The following IQCB1 variants were observed in gnomAD, a reference collection of about 807,000 sequenced individuals.
The protein encoded by IQCB1 is IQ motif containing B1, also known as IQ calmodulin-binding motif-containing protein 1.
IQCB1 carries 56 observed loss-of-function variants against 84.4 expected under a neutral mutation model. The observed-to-expected ratio is 0.66, with a 90% CI of 0.54 to 0.83. The LOEUF is 0.83. Ranked by LOEUF, IQCB1 falls within the 40% of genes least tolerant of loss-of-function variation. The pLI is 0.00. For missense variants in IQCB1, 629 were observed against 682.1 expected (o/e 0.92, Z 0.87); for synonymous variants, 210 against 234.8 (o/e 0.89, Z 0.96).
At chr3:121,817,330 A>G (rs1047892633) in intron 5 of IQCB1, among the ~76,000 whole-genome samples, 5 of 152,092 alleles carry the variant, frequency 3.3e-5, no homozygotes, top group Admixed American at 1.3e-4. Context: ...AACCTACATG[A>G]CGAGTTGATG....
At position 121,828,594 on chromosome 3, in the gene IQCB1, T is replaced by C. The variant is rs1341474530; in HGVS notation, c.139A>G (p.Lys47Glu). The C allele has an allele frequency of 6.2e-7, 1 of 1,604,224 alleles. No individual in the cohort carries two copies. Among genetic ancestry groups the C allele is most frequent in the Admixed American group, 1.7e-5 (1 of 59,958 alleles). Residue 47 changes from lysine to glutamate, a missense_variant, in exon 4 of 15, where the codon AAG becomes GAG. Coordinates refer to ENST00000310864, the MANE Select transcript of IQCB1 (RefSeq NM_001023570.4). ...NITPLGSSEL[K>E]KIKQDIYCYD... Reference sequence around the variant, plus strand: ...CAATATATATCTTGTTTGATTTTCTTCAACTCTGAGCTTCCTAAAGGTGTG... The same window carrying C: ...CAATATATATCTTGTTTGATTTTCTCCAACTCTGAGCTTCCTAAAGGTGTG...
chr3:121,825,955 T>C, intron 5 of IQCB1, 96 bp downstream of exon 5: 1 of 1,166,620 alleles, frequency 8.6e-7, no homozygotes, highest in Non-Finnish European at 1.3e-6. Context: ...CTACTTTAAT[T>C]GTACTTTCAG....
chr3:121,784,502 A>T (rs1948631535), intron 12 of IQCB1, among the ~76,000 whole-genome samples: 1 of 152,168 alleles, frequency 6.6e-6, no homozygotes. Context: ...CTCTGAGGAT[A>T]TTAATAACAG....
chr3:121,788,246 C>T, intron 12 of IQCB1, 38 bp downstream of exon 12: 1 of 1,605,144 alleles, frequency 6.2e-7, no homozygotes, highest in Non-Finnish European at 8.5e-7. Context: ...ATGTTTTTGC[C>T]TCTTGATTCA....
At chr3:121,808,708 C>G (rs1949703542) in intron 6 of IQCB1, among the ~76,000 whole-genome samples, 1 of 151,930 alleles carries the variant, frequency 6.6e-6, no homozygotes, top group Non-Finnish European at 1.5e-5. Flanking sequence ...CAACAGTATT[C>G]TCCTTAATTT....
At chr3:121,798,956 AG>A (rs1343297757) in intron 8 of IQCB1, among the ~76,000 whole-genome samples, 1 of 151,806 alleles carries the variant, frequency 6.6e-6, no homozygotes, top group African/African-American at 2.4e-5. Flanking sequence ...TTTGTCAGAG[AG>A]GGAGTAAATA....
At chr3:121,827,210 A>C (rs1022290015) in intron 4 of IQCB1, among the ~76,000 whole-genome samples, 5 of 152,048 alleles carry the variant, frequency 3.3e-5, no homozygotes, top group Admixed American at 2.0e-4. Flanking sequence ...ACAAACATTG[A>C]GTATGCAATT....
chr3:121,798,981 G>T (rs773118724), intron 8 of IQCB1, among the ~76,000 whole-genome samples: 1 of 151,592 alleles, frequency 6.6e-6, no homozygotes, highest in Admixed American at 6.6e-5. Context: ...ATGGCAACCT[G>T]ATCAGAAAAG....
Position 121,799,343 on chromosome 3 carries a change from G to A in IQCB1, c.619C>T (p.Leu207=). ...ATAACTTCATCTAAAATTGAATACA[G>A]GGCTTTTCTTCCTATTCTGAGTAAA... ...GDLLRIGRKA[L]YSILDEVIFK... Residue 207 remains leucine, a synonymous_variant, in exon 8 of 15, where the codon CTG becomes TTG. Coordinates refer to ENST00000310864, the MANE Select transcript of IQCB1 (RefSeq NM_001023570.4). 1 of 1,598,474 alleles carries A rather than the reference G, an allele frequency of 6.3e-7. No homozygotes were observed. The highest frequency in any genetic ancestry group is 1.1e-5 in the South Asian group (1 of 90,336).
chr3:121,807,837 A>G (rs1416035636), intron 6 of IQCB1, among the ~76,000 whole-genome samples: 1 of 151,996 alleles, frequency 6.6e-6, no homozygotes, highest in Admixed American at 6.6e-5. Context: ...GGTTGCTCAC[A>G]ACCTTAAAAA....
chr3:121,827,188 T>G (rs1950491487), intron 4 of IQCB1, among the ~76,000 whole-genome samples: 1 of 152,034 alleles, frequency 6.6e-6, no homozygotes, highest in Admixed American at 6.5e-5. Context: ...ATATTCTCAC[T>G]TATAAGTGAG....
chr3:121,782,943 G>A (rs1948565069), intron 12 of IQCB1, among the ~76,000 whole-genome samples: 1 of 152,164 alleles, frequency 6.6e-6, no homozygotes, highest in South Asian at 2.1e-4. Context: ...CCAAAGAGCT[G>A]GGATTACAGA....
At chr3:121,775,475 G>C (rs1048458524) in intron 13 of IQCB1, among the ~76,000 whole-genome samples, 8 of 152,108 alleles carry the variant, frequency 5.3e-5, no homozygotes, top group African/African-American at 1.9e-4. Context: ...GGCCTATCGT[G>C]GGGTAGGGAA....
At chr3:121,782,546 TTTTTG>T (rs1001039991) in intron 12 of IQCB1, among the ~76,000 whole-genome samples, 9 of 152,232 alleles carry the variant, frequency 5.9e-5, no homozygotes, top group African/African-American at 1.2e-4. Context: ...GTTTTTGTTT[TTTTTG>T]TTTTGTTTTG....
intron 4 of IQCB1, among the ~76,000 whole-genome samples, chr3:121,826,434 T>C (rs890155687): frequency 4.6e-5 from 7 of 152,192 alleles, no homozygotes; most frequent in African/African-American, 1.4e-4. Context: ...TAAAAGACAC[T>C]TGGCTCACAA....
chr3:121,825,051 TTTTTC>T (rs1476965032), intron 5 of IQCB1, among the ~76,000 whole-genome samples: 19 of 137,900 alleles, frequency 1.4e-4, no homozygotes, highest in Non-Finnish European at 2.2e-4. Flanking sequence ...CAAAGGTTTC[TTTTTC>T]TTTTCTTTTT....
intron 6 of IQCB1, 46 bp downstream of exon 6, chr3:121,808,870 T>C (rs1395080189): frequency 8.8e-7 from 1 of 1,142,826 alleles, no homozygotes; most frequent in Admixed American, 1.7e-5. Context: ...CTGTTAGCAG[T>C]TGACTCTACA....
intron 13 of IQCB1, among the ~76,000 whole-genome samples, chr3:121,774,460 C>T (rs866027358): frequency 3.9e-5 from 6 of 152,280 alleles, no homozygotes; most frequent in African/African-American, 1.4e-4. Context: ...AAAGCAAGTA[C>T]ACACACAGAT....
chr3:121,812,150 T>C (rs773201327), intron 5 of IQCB1, among the ~76,000 whole-genome samples: 1 of 152,136 alleles, frequency 6.6e-6, no homozygotes, highest in Non-Finnish European at 1.5e-5. Context: ...GGAGTGGACC[T>C]CCAGCAAACT....
Sources: allele counts gnomAD v4.1 joint callset (sites outside exome capture counted in the v4.1 genomes callset), GRCh38; gene constraint gnomAD v4.1.1; transcripts MANE v1.5; gene names NCBI Gene and HGNC (gene_info 2026-07-23, HGNC 2026-07-21).